Variants in PCA3 observed in about 807,000 individuals in gnomAD.
PCA3 encodes Differential Display code 3.
At chr9:76,768,224 G>A (rs1022232958) in intron 2 of PCA3, among the ~76,000 whole-genome samples, 3 of 151,424 alleles carry the variant, frequency 2.0e-5, no homozygotes, top group African/African-American at 4.9e-5. Context: ...ATGGATTCTC[G>A]CTCTGTCGCC....
At chr9:76,772,492 T>C (rs1363557398) in intron 2 of PCA3, among the ~76,000 whole-genome samples, 1 of 152,152 alleles carries the variant, frequency 6.6e-6, no homozygotes, top group Non-Finnish European at 1.5e-5. Flanking sequence ...AAACCAAAAA[T>C]AACCTTCTGT....
chr9:76,778,483 A>G (rs1299881425), intron 2 of PCA3: 2 of 152,246 alleles, frequency 1.3e-5, no homozygotes, highest in African/African-American at 2.4e-5. Context: ...AAACGATGGG[A>G]TGGCCAGAGA....
At chr9:76,768,575 GTATA>G (rs58284637) in intron 2 of PCA3, among the ~76,000 whole-genome samples, 26 of 124,370 alleles carry the variant, frequency 2.1e-4, no homozygotes, top group Admixed American at 1.1e-3. Context: ...ATATATATAT[GTATA>G]TGTATGTGTG....
chr9:76,768,623 G>GTGTGTGTGTGTGTATA (rs1491356086), intron 2 of PCA3, among the ~76,000 whole-genome samples: 1 of 130,152 alleles, frequency 7.7e-6, no homozygotes, highest in African/African-American at 2.8e-5. Flanking sequence ...GTGTGTGTGT[G>GTGTGTGTGTGTGTATA]TATATCCCTG....
chr9:76,784,944 G>A (rs1438442123), intron 2 of PCA3: 23 of 151,988 alleles, frequency 1.5e-4, no homozygotes, highest in Admixed American at 1.5e-3. Flanking sequence ...AGAATTCAAT[G>A]TTACATGCAG....
At chr9:76,773,651 C>A (rs1406119965) in intron 2 of PCA3, among the ~76,000 whole-genome samples, 1 of 152,064 alleles carries the variant, frequency 6.6e-6, no homozygotes, top group African/African-American at 2.4e-5. Flanking sequence ...GCCATGTTGG[C>A]CAGGCTGGTC....
intron 2 of PCA3, among the ~76,000 whole-genome samples, chr9:76,782,230 G>T (rs933379596): frequency 6.6e-6 from 1 of 151,214 alleles, no homozygotes; most frequent in Non-Finnish European, 1.5e-5. Context: ...AGAAAAAAAA[G>T]AAAGCATTGG....
At chr9:76,772,565 TTTTC>T (rs2053233005) in intron 2 of PCA3, among the ~76,000 whole-genome samples, 1 of 152,110 alleles carries the variant, frequency 6.6e-6, no homozygotes, top group African/African-American at 2.4e-5. Flanking sequence ...TGGTAAATTA[TTTTC>T]TTTCTTTTTT....
intron 2 of PCA3, among the ~76,000 whole-genome samples, chr9:76,769,768 A>G (rs747045195): frequency 6.6e-6 from 1 of 152,222 alleles, no homozygotes; most frequent in Non-Finnish European, 1.5e-5. Flanking sequence ...AGAGCTTATC[A>G]AAGTAGGCTT....
chr9:76,773,182 T>C (rs1292617984), intron 2 of PCA3, among the ~76,000 whole-genome samples: 2 of 152,230 alleles, frequency 1.3e-5, no homozygotes, highest in African/African-American at 2.4e-5. Flanking sequence ...TTTGTTGTTG[T>C]TGGGATTCAT....
At chr9:76,776,903 C>T (rs985608811) in intron 2 of PCA3, among the ~76,000 whole-genome samples, 1 of 74,308 alleles carries the variant, frequency 1.3e-5, no homozygotes, top group Non-Finnish European at 2.7e-5. Flanking sequence ...TACACACACA[C>T]ACACACACAC....
At chr9:76,768,916 T>G (rs1040446142) in intron 2 of PCA3, among the ~76,000 whole-genome samples, 68 of 152,292 alleles carry the variant, frequency 4.5e-4, no homozygotes, top group African/African-American at 1.5e-3. Flanking sequence ...TATAAAAAAT[T>G]TAAATTACAG....
chr9:76,766,792 G>A (rs1049447131), intron 2 of PCA3, among the ~76,000 whole-genome samples: 3 of 152,190 alleles, frequency 2.0e-5, no homozygotes, highest in African/African-American at 7.2e-5. Context: ...TTATCACATA[G>A]GGAGTCCAAA....
chr9:76,774,457 T>TATTTATTTATTTATTTATTTA (rs756648285), intron 2 of PCA3, among the ~76,000 whole-genome samples: 9,008 of 73,248 alleles, frequency 0.12, 529 homozygotes, highest in East Asian at 0.3. Flanking sequence ...ACCCTTTTTT[T>TATTTATTTATTTATTTATTTA]TTTTTTTTTT....
rs144644720 is a variant in PCA3, at chr9:76,769,116, C to A, written n.852+32501C>A. Among the ~76,000 whole-genome samples, 684 of 152,258 alleles carry A rather than the reference C, an allele frequency of 4.5e-3. 5 individuals carry two copies. The highest frequency in any genetic ancestry group is 0.016 in the African/African-American group (661 of 41,544). ...TTTGAGAGATATTCTTAGAATCTTT[C>A]ATTATGGTACTCATATATGGGTTGG... On this transcript the variant is annotated intron_variant and non_coding_transcript_variant, in intron 2 of 5. Coordinates refer to ENST00000644657, the Ensembl canonical transcript of PCA3.
At chr9:76,769,303 C>A (rs1348700426) in intron 2 of PCA3, among the ~76,000 whole-genome samples, 2 of 152,216 alleles carry the variant, frequency 1.3e-5, no homozygotes, top group African/African-American at 4.8e-5. Flanking sequence ...CCCTCAGGGT[C>A]AATACATACA....
At chr9:76,779,055 C>A (rs1409512750) in intron 2 of PCA3, 1 of 152,056 alleles carries the variant, frequency 6.6e-6, no homozygotes, top group Non-Finnish European at 1.5e-5. Flanking sequence ...TTTTATCTCA[C>A]CTTTGAAGAT....
chr9:76,767,548 A>G lies in PCA3; in HGVS notation n.852+30933A>G, dbSNP rs184893244. Among the ~76,000 whole-genome samples the G allele has an allele frequency of 2.0e-5, 3 of 152,250 alleles. No homozygotes were observed. In the East Asian group the frequency reaches 5.8e-4, roughly 29 times the overall value. On this transcript the variant is annotated intron_variant and non_coding_transcript_variant, in intron 2 of 5. Coordinates refer to ENST00000644657, the Ensembl canonical transcript of PCA3. ...TGACTCCATTGATCACCTCTTTAAAAAGAAAAAGAACTATTTTCCAGAACC... is the reference window on the plus strand; with the variant it reads ...TGACTCCATTGATCACCTCTTTAAAGAGAAAAAGAACTATTTTCCAGAACC...
At chr9:76,768,394 T>C (rs1293299378) in intron 2 of PCA3, among the ~76,000 whole-genome samples, 4 of 152,100 alleles carry the variant, frequency 2.6e-5, no homozygotes, top group Non-Finnish European at 5.9e-5. Flanking sequence ...GGGTTCACCA[T>C]GTTGGCCAAG....
Sources: allele counts gnomAD v4.1 joint callset (sites outside exome capture counted in the v4.1 genomes callset), GRCh38; gene constraint gnomAD v4.1.1; transcripts MANE v1.5; gene names NCBI Gene and HGNC (gene_info 2026-07-23, HGNC 2026-07-21).